Variants in SV2C observed in about 807,000 individuals in gnomAD.
The protein encoded by SV2C is solute carrier family 22 member B3.
SV2C carries 49 observed loss-of-function variants against 79.7 expected under a neutral mutation model. That is an observed-to-expected ratio of 0.61 (90% CI 0.49 to 0.78). SV2C has a LOEUF of 0.78. Among genes scored for constraint, SV2C ranks in the 30% least tolerant of loss-of-function variants. The probability of loss-of-function intolerance (pLI) is 0.00; values close to 1 mark genes in which losing one functional copy is unlikely to be tolerated. For synonymous variants in SV2C, 334 were observed against 333.2 expected (o/e 1.00, Z -0.03); for missense variants, 833 against 912.9 (o/e 0.91, Z 1.13).
At chr5:76,262,880 T>C (rs1289571880) in intron 4 of SV2C, among the ~76,000 whole-genome samples, 1 of 152,226 alleles carries the variant, frequency 6.6e-6, no homozygotes, top group Admixed American at 6.5e-5. Flanking sequence ...ATAAGTATGA[T>C]GTGGTGCTGA....
chr5:75,881,638 C>T, the SV2C span, among the ~76,000 whole-genome samples: 21 of 152,156 alleles, frequency 1.4e-4, no homozygotes, highest in South Asian at 2.1e-4. Context: ...GATTTTCGTA[C>T]GTTGATTTTG....
At chr5:76,069,298 T>G in the SV2C span, among the ~76,000 whole-genome samples, 1 of 152,202 alleles carries the variant, frequency 6.6e-6, no homozygotes, top group African/African-American at 2.4e-5. Flanking sequence ...GGCTGCTCCA[T>G]CTGTCTGAGC....
intron 1 of SV2C, among the ~76,000 whole-genome samples, chr5:76,117,585 T>A (rs1748314415): frequency 6.6e-6 from 1 of 151,922 alleles, no homozygotes; most frequent in South Asian, 2.1e-4. Flanking sequence ...GTGACAAAAA[T>A]TAAAGCTAAA....
intron 1 of SV2C, among the ~76,000 whole-genome samples, chr5:76,103,534 A>G (rs1195472378): frequency 6.6e-6 from 1 of 152,228 alleles, no homozygotes; most frequent in Non-Finnish European, 1.5e-5. Context: ...TGGCCAACCT[A>G]GATGGGTTTG....
intron 4 of SV2C, among the ~76,000 whole-genome samples, chr5:76,259,700 T>A (rs1746402771): frequency 6.6e-6 from 1 of 152,140 alleles, no homozygotes; most frequent in Admixed American, 6.5e-5. Flanking sequence ...CATGCCGTAT[T>A]TGGTTTTCTG....
the SV2C span, among the ~76,000 whole-genome samples, chr5:75,949,030 C>T: frequency 3.3e-5 from 5 of 151,996 alleles, no homozygotes; most frequent in African/African-American, 9.6e-5. Flanking sequence ...GTGGATCCCT[C>T]ATGGGTTGGT....
chr5:76,235,773 A>T (rs1745591125), intron 4 of SV2C, among the ~76,000 whole-genome samples: 1 of 151,758 alleles, frequency 6.6e-6, no homozygotes, highest in African/African-American at 2.4e-5. Flanking sequence ...AAGAATCCAT[A>T]TTTTTTTTCC....
At chr5:75,878,815 A>T in the SV2C span, among the ~76,000 whole-genome samples, 2 of 152,164 alleles carry the variant, frequency 1.3e-5, no homozygotes, top group African/African-American at 4.8e-5. Flanking sequence ...CAATTTTTGC[A>T]TTGCTATAAA....
chr5:75,925,967 A>G, the SV2C span, among the ~76,000 whole-genome samples: 1 of 152,188 alleles, frequency 6.6e-6, no homozygotes, highest in Non-Finnish European at 1.5e-5. Context: ...TATTTAAACC[A>G]GAGACAGTAG....
At chr5:76,026,242 T>A in the SV2C span, among the ~76,000 whole-genome samples, 3 of 68,362 alleles carry the variant, frequency 4.4e-5, no homozygotes, top group African/African-American at 6.3e-5. Flanking sequence ...ACACACACAC[T>A]TCAATGCTAT....
At chr5:76,258,123 G>A (rs957411362) in intron 4 of SV2C, among the ~76,000 whole-genome samples, 3 of 140,130 alleles carry the variant, frequency 2.1e-5, no homozygotes, top group African/African-American at 7.8e-5. Flanking sequence ...GTGGTGTATG[G>A]TATATGGGGT....
the SV2C span, among the ~76,000 whole-genome samples, chr5:75,909,932 C>G: frequency 6.6e-6 from 1 of 152,160 alleles, no homozygotes; most frequent in Non-Finnish European, 1.5e-5. Flanking sequence ...ACAATAATAG[C>G]CGGTGTTTGA....
chr5:76,109,070 T>C (rs1189244934), intron 1 of SV2C, among the ~76,000 whole-genome samples: 2 of 152,146 alleles, frequency 1.3e-5, no homozygotes, highest in African/African-American at 4.8e-5. Flanking sequence ...GAGGAGGAGA[T>C]TCAGAAGAAG....
At chr5:76,078,092 A>T in the SV2C span, among the ~76,000 whole-genome samples, 1 of 152,196 alleles carries the variant, frequency 6.6e-6, no homozygotes, top group Non-Finnish European at 1.5e-5. Flanking sequence ...TGGGTGAAAT[A>T]ACCTGATGAA....
intron 4 of SV2C, among the ~76,000 whole-genome samples, chr5:76,272,809 T>C (rs1381418837): frequency 3.3e-5 from 5 of 152,172 alleles, no homozygotes; most frequent in Non-Finnish European, 7.4e-5. Context: ...TTGTTTGTTT[T>C]TCAGTCTCCT....
the SV2C span, among the ~76,000 whole-genome samples, chr5:75,975,024 C>T: frequency 6.6e-6 from 1 of 152,160 alleles, no homozygotes; most frequent in Non-Finnish European, 1.5e-5. Flanking sequence ...TGCTGATTCC[C>T]ATAAACTGAT....
chr5:75,997,934 A>G, the SV2C span, among the ~76,000 whole-genome samples: 1 of 152,036 alleles, frequency 6.6e-6, no homozygotes, highest in Non-Finnish European at 1.5e-5. Flanking sequence ...AAGACTTGGA[A>G]CCAACCCAAA....
the SV2C span, among the ~76,000 whole-genome samples, chr5:76,066,795 T>TAAAAAAAAAAAAAAAAAA: frequency 8.2e-6 from 1 of 122,144 alleles, no homozygotes; most frequent in African/African-American, 3.1e-5. Flanking sequence ...AGGACCCTGT[T>TAAAAAAAAAAAAAAAAAA]AAAAAAAAAA....
intron 3 of SV2C, among the ~76,000 whole-genome samples, chr5:76,200,628 T>C (rs1744413058): frequency 6.6e-6 from 1 of 152,164 alleles, no homozygotes; most frequent in African/African-American, 2.4e-5. Flanking sequence ...AGTTCTTTTT[T>C]ATTTTATTTT....
Sources: allele counts gnomAD v4.1 joint callset (sites outside exome capture counted in the v4.1 genomes callset), GRCh38; gene constraint gnomAD v4.1.1; transcripts MANE v1.5; gene names NCBI Gene and HGNC (gene_info 2026-07-23, HGNC 2026-07-21).